KIF19: variants seen among roughly 807,000 people sequenced by gnomAD.
KIF19 encodes the protein kinesin family member 19.
A neutral mutation model predicts 106.6 loss-of-function variants in KIF19; 98 were observed. That is an observed-to-expected ratio of 0.92 (90% CI 0.78 to 1.09). KIF19 has a LOEUF of 1.09. Among genes scored for constraint, KIF19 ranks in the 50% least tolerant of loss-of-function variants. The pLI, the probability that KIF19 is intolerant of heterozygous loss-of-function variation, is 0.00. For synonymous variants in KIF19, 516 were observed against 584.2 expected, an observed-to-expected ratio of 0.88 and a Z score of 1.68; for missense variants, 1,373 against 1,414.3, an observed-to-expected ratio of 0.97 and a Z score of 0.47.
chr17:74,346,659 C>T lies in KIF19; in HGVS notation c.924+135C>T, dbSNP rs2054539650. 1 of 775,346 alleles carries T rather than the reference C, an allele frequency of 1.3e-6. No individual in the cohort carries two copies. The highest frequency in any genetic ancestry group is 1.9e-5 in the South Asian group (1 of 53,738). The allele number at this position is 775,346 out of a possible 1,614,324, so 48.0% of individuals were successfully genotyped here. The stretch of plus-strand genomic sequence containing the variant: ...AAAATTTATTTTAGCGTAAATATGT[C>T]CCATGAAATATTTGGGATATTCTTA... On this transcript the variant is annotated intron_variant, in intron 8 of 19. Transcript: ENST00000389916. This position sits in a 1 kb window ranked among gnomAD's most constrained non-coding sequence, Gnocchi z 4.6.
intron 2 of KIF19, among the ~76,000 whole-genome samples, chr17:74,340,160 A>C (rs2054326937): frequency 6.6e-6 from 1 of 152,050 alleles, no homozygotes; most frequent in Admixed American, 6.5e-5. Flanking sequence ...ACCAGGCCCG[A>C]CCACCAATAA....
rs2144301355 is a variant in KIF19, at chr17:74,353,298, G to A, written c.2217G>A (p.Gln739=). 3.2e-6 allele frequency: 5 copies of A among 1,567,770 alleles called. No homozygotes were observed. In the African/African-American group the frequency reaches 5.4e-5, roughly 17 times the overall value. The change falls in exon 16 of 20, where the codon CAG becomes CAA. Residue 739 remains glutamine (Q), a synonymous_variant. Transcript: ENST00000389916. Reference sequence around the variant, plus strand: ...TCCAGCTCGGCAGCCTGGTGACGCAGGAGGTGAGCTCTCAGTACCCGATGG... The same window carrying A: ...TCCAGCTCGGCAGCCTGGTGACGCAAGAGGTGAGCTCTCAGTACCCGATGG... ...PPIQLGSLVT[Q]EAPAQDSLGS...
chr17:74,355,085 G>C, intron 19 of KIF19, 97 bp from the exon 20 acceptor site: 1 of 1,541,814 alleles, frequency 6.5e-7, no homozygotes, highest in Non-Finnish European at 8.8e-7. Context: ...TGGCATCCTG[G>C]GGTGGTGCCC....
rs146234533 is a variant in KIF19, at chr17:74,344,788, C to G, written c.610C>G (p.Arg204Gly). Residue 204 changes from arginine (R) to glycine (G), a missense_variant, in exon 7 of 20, where the codon CGG becomes GGG. By Grantham distance (125) the Arg-to-Gly change is moderately radical. This residue lies in a region of KIF19 where 348 missense variants were observed against 389.5 expected (regional missense o/e 0.89). Transcript: ENST00000389916. ...CATGCAGCTGCTGATGAAGGGGAAC[C>G]GGCAGAGGACCCAGGAGCCCACGGC... ...EIMQLLMKGN[R>G]QRTQEPTAAN... 1.9e-6 allele frequency: 3 copies of G among 1,609,776 alleles called. No individual in the cohort carries two copies. Among genetic ancestry groups the G allele is most frequent in the Non-Finnish European group, 2.5e-6 (3 of 1,177,526 alleles).
In KIF19 at chr17:74,355,248, G is replaced by A. The variant is rs761287240; in HGVS notation, c.2933G>A (p.Arg978His). 48 of 1,612,594 alleles carry A rather than the reference G, an allele frequency of 3.0e-5. No individual in the cohort carries two copies. Among genetic ancestry groups the A allele is most frequent in the Admixed American group, 6.7e-5 (4 of 59,950 alleles). Residue 978 changes from arginine (R) to histidine (H), a missense_variant, in exon 20 of 20, where the codon CGT (arginine) becomes CAT (histidine). By Grantham distance (29) the Arg-to-His change is conservative. Around this residue, in one of 3 missense-constraint regions of KIF19, gnomAD observed 1,020 missense variants for 1,008.2 expected, o/e 1.01. Transcript: ENST00000389916. Reference protein sequence around the residue: ...NPGGGSRRATRGPRLPHGTST... With the variant: ...NPGGGSRRATHGPRLPHGTST... ...GGTGGTGGTTCTCGACGGGCTACCC[G>A]TGGGCCCCGCCTGCCCCACGGCACA... is the stretch of plus-strand genomic sequence containing the variant.
At chr17:74,341,819 C>T (rs2054380543) in intron 2 of KIF19, 57 bp from the exon 3 acceptor site, 2 of 1,198,030 alleles carry the variant, frequency 1.7e-6, no homozygotes, top group Admixed American at 1.7e-5. Context: ...GAGGGTTGAC[C>T]TCATCAGGGC....
chr17:74,328,642 T>A, intron 2 of KIF19, 137 bp downstream of exon 2: 1 of 663,988 alleles, frequency 1.5e-6, no homozygotes, highest in Non-Finnish European at 2.5e-6. Flanking sequence ...GGCTGTGCTG[T>A]TGATGACATC....
rs374017020 is a variant in KIF19 at position 74,341,997 on chromosome 17, G to A, written c.231+11G>A. 2.8e-5 allele frequency: 45 copies of A among 1,595,798 alleles called. No individual in the cohort carries two copies. The African/African-American group carries it at 5.8e-4, about 21-fold the overall frequency. ...TTCACCGCCACCCAGGTGAGGGAGGGCCTGGGCTGGAGACACGCAGGAGCC... is the reference window on the plus strand; with the variant it reads ...TTCACCGCCACCCAGGTGAGGGAGGACCTGGGCTGGAGACACGCAGGAGCC... On this transcript the variant is annotated intron_variant, in intron 3 of 19. Coordinates refer to ENST00000389916, the MANE Select transcript of KIF19 (RefSeq NM_153209.4).
intron 2 of KIF19, among the ~76,000 whole-genome samples, chr17:74,332,224 G>GTGTT (rs2054114211): frequency 9.0e-6 from 1 of 110,970 alleles, no homozygotes. Context: ...GTGTGTGTGT[G>GTGTT]TGTGTGTGTG....
chr17:74,340,555 G>GCGCACACACACACA, intron 2 of KIF19, among the ~76,000 whole-genome samples: 37,787 of 148,116 alleles, frequency 0.26, 5,148 homozygotes, highest in Non-Finnish European at 0.31. Context: ...ATGCGCGCGC[G>GCGCACACACACACA]TACACACACA....
chr17:74,328,354 T>G, intron 1 of KIF19, 71 bp from the exon 2 acceptor site: 1 of 1,416,230 alleles, frequency 7.1e-7, no homozygotes, highest in Non-Finnish European at 9.7e-7. Context: ...GCCAGGGGCT[T>G]GCTTGAGGTC....
In KIF19 at chr17:74,354,132, G is replaced by C. The variant is rs573799204; in HGVS notation, c.2309-30G>C. 7.7e-5 allele frequency: 122 copies of C among 1,577,062 alleles called. 2 individuals carry two copies. In the East Asian group the frequency reaches 2.6e-3, roughly 34 times the overall value. ...GGTGTTGAGAGGTGGCCTTGATCTC[G>C]GGTTGTATGTTCCCCGTGTCCCGCT... On this transcript the variant is annotated intron_variant, in intron 17 of 19. Coordinates refer to ENST00000389916, the MANE Select transcript of KIF19 (RefSeq NM_153209.4).
At position 74,342,982 on chromosome 17, in the gene KIF19, C is replaced by T. The variant is rs1309718948; in HGVS notation, c.320-42C>T. On this transcript the variant is annotated intron_variant, in intron 4 of 19. Coordinates refer to ENST00000389916, the MANE Select transcript of KIF19 (RefSeq NM_153209.4). Reference sequence around the variant, plus strand: ...AGTGCCTGCCCAGCAAGGCCTCCCTCCCAGCCCCACCCCGGTCACCCTCCA... The same window carrying T: ...AGTGCCTGCCCAGCAAGGCCTCCCTTCCAGCCCCACCCCGGTCACCCTCCA... The T allele has an allele frequency of 4.4e-6, 6 of 1,369,722 alleles. No individual in the cohort carries two copies. In the East Asian group the frequency reaches 1.5e-4, roughly 34 times the overall value. 84.8% of individuals were successfully genotyped at this position (1,369,722 alleles called of 1,614,324 possible).
At chr17:74,340,162 C>T (rs1373258399) in intron 2 of KIF19, among the ~76,000 whole-genome samples, 2 of 152,152 alleles carry the variant, frequency 1.3e-5, no homozygotes, top group Non-Finnish European at 2.9e-5. Flanking sequence ...CAGGCCCGAC[C>T]ACCAATAAGA....
rs1031802078 is a variant in KIF19, at chr17:74,352,131, A to G, written c.1852A>G (p.Ile618Val). The change falls in exon 13 of 20, where the codon ATC becomes GTC. Residue 618 changes from isoleucine to valine, a missense_variant. This residue lies in a region of KIF19 where 1,020 missense variants were observed against 1,008.2 expected (regional missense o/e 1.01). Coordinates refer to ENST00000389916, the MANE Select transcript of KIF19 (RefSeq NM_153209.4). ...DEIIQGQRQI[I>V]DDYNLAVPQR... ...GATTATCCAGGGCCAGCGGCAGATCATCGACGGTAGGGCCCACGCCCCCGC... is the reference window on the plus strand; with the variant it reads ...GATTATCCAGGGCCAGCGGCAGATCGTCGACGGTAGGGCCCACGCCCCCGC... The G allele has an allele frequency of 3.2e-6, 5 of 1,582,444 alleles. No individual in the cohort carries two copies. In the African/African-American group the frequency reaches 6.8e-5, roughly 21 times the overall value.
intron 1 of KIF19, among the ~76,000 whole-genome samples, chr17:74,327,762 C>T (rs900491811): frequency 4.6e-5 from 7 of 152,264 alleles, no homozygotes; most frequent in South Asian, 2.1e-4. Context: ...TGAGCCACCA[C>T]GCCAGGCCTG....
At position 74,354,348 on chromosome 17, in the gene KIF19, C is replaced by G; in HGVS notation, c.2495C>G (p.Pro832Arg). 1 of 1,605,250 alleles carries G rather than the reference C, an allele frequency of 6.2e-7. No homozygotes were observed. Among genetic ancestry groups the G allele is most frequent in the Non-Finnish European group, 8.5e-7 (1 of 1,176,550 alleles). Residue 832 changes from proline (P) to arginine (R), a missense_variant, in exon 18 of 20, where the codon CCG (proline) becomes CGG (arginine). Physicochemically the swap from Pro to Arg is moderately radical, Grantham distance 103. Coordinates refer to ENST00000389916, the MANE Select transcript of KIF19 (RefSeq NM_153209.4). ...RPPGPLACKR[P>R]PSPTLQHAAS... The stretch of plus-strand genomic sequence containing the variant: ...CCAGGCCCACTGGCCTGCAAGCGGC[C>G]GCCCAGCCCCACACTACAGCATGCT...
intron 11 of KIF19, 30 bp downstream of exon 11, chr17:74,350,605 C>T (rs1349096643): frequency 6.2e-7 from 1 of 1,610,404 alleles, no homozygotes; most frequent in Admixed American, 1.7e-5. Context: ...CCCTCCAGGC[C>T]CCACCCCTGT....
chr17:74,347,016 C>G (rs56307286), intron 8 of KIF19, among the ~76,000 whole-genome samples: 21,661 of 152,186 alleles, frequency 0.14, 2,004 homozygotes, highest in Middle Eastern at 0.26. Flanking sequence ...GTCAACAACT[C>G]TATGAGTTTG....
Sources: gnomAD v4.1 joint callset for allele counts (sites outside exome capture counted in the v4.1 genomes callset) on GRCh38, gnomAD v4.1.1 for gene constraint, gnomAD v4.1.1 regional missense constraint, Gnocchi (gnomAD v3.1) non-coding constraint, MANE v1.5 for transcripts, NCBI Gene and HGNC (gene_info 2026-07-23, HGNC 2026-07-21) for gene names.